The following KANSL1L variants were observed in gnomAD, a reference collection of about 807,000 sequenced individuals.
KANSL1L encodes KAT8 regulatory NSL complex subunit 1 like.
A neutral mutation model predicts 108.6 loss-of-function variants in KANSL1L; 25 were observed. That is an observed-to-expected ratio of 0.23 (90% CI 0.17 to 0.32). The LOEUF (loss-of-function observed/expected upper bound fraction) is 0.32. Ranked by LOEUF, KANSL1L falls within the 10% of genes least tolerant of loss-of-function variation. The pLI, the probability that KANSL1L is intolerant of heterozygous loss-of-function variation, is 1.00. For missense variants in KANSL1L, 1,137 were observed against 1,125.7 expected, an observed-to-expected ratio of 1.01 and a Z score of -0.14; for synonymous variants, 405 against 395.1, an observed-to-expected ratio of 1.03 and a Z score of -0.30.
At chr2:210,077,962 A>T (rs886094983) in intron 5 of KANSL1L, among the ~76,000 whole-genome samples, 1 of 152,154 alleles carries the variant, frequency 6.6e-6, no homozygotes, top group Non-Finnish European at 1.5e-5. Context: ...AACAATGGGG[A>T]TACCTTCTGA....
At position 210,154,132 on chromosome 2, in the gene KANSL1L, T is replaced by C. The variant is rs2095320228; in HGVS notation, c.451A>G (p.Ile151Val). The C allele has an allele frequency of 6.2e-7, 1 of 1,614,126 alleles. No individual in the cohort carries two copies. The highest frequency in any genetic ancestry group is 1.3e-5 in the African/African-American group (1 of 75,058). Residue 151 changes from isoleucine (I) to valine (V), a missense_variant, in exon 2 of 15, where the codon ATT (isoleucine) becomes GTT (valine). Ile to Val is a conservative substitution (Grantham distance 29). Coordinates refer to ENST00000281772, the MANE Select transcript of KANSL1L (RefSeq NM_152519.4). ...TTSQCMKDVQIILDSNITKDT... is the reference protein window; with the variant it reads ...TTSQCMKDVQVILDSNITKDT... The stretch of plus-strand genomic sequence containing the variant: ...TTGGTTATATTTGAATCCAGAATAA[T>C]TTGTACATCTTTCATGCACTGGCTC...
At chr2:210,096,770 G>A in intron 5 of KANSL1L, 1 of 953,002 alleles carries the variant, frequency 1.0e-6, no homozygotes, top group Non-Finnish European at 1.2e-6. Context: ...ACTGATATGA[G>A]GAATGAATAT....
chr2:210,098,288 C>T, intron 4 of KANSL1L, 81 bp from the exon 5 acceptor site: 1 of 1,278,780 alleles, frequency 7.8e-7, no homozygotes, highest in South Asian at 1.4e-5. Context: ...CCAATTAATC[C>T]TTAACTTCTC....
intron 2 of KANSL1L, among the ~76,000 whole-genome samples, chr2:210,133,743 A>G (rs2095148662): frequency 6.6e-6 from 1 of 152,130 alleles, no homozygotes; most frequent in South Asian, 2.1e-4. Flanking sequence ...CTGATATGTC[A>G]TGTTTCTAAT....
chr2:210,043,072 CAAG>C (rs1305278662), intron 7 of KANSL1L, among the ~76,000 whole-genome samples: 1 of 152,046 alleles, frequency 6.6e-6, no homozygotes, highest in African/African-American at 2.4e-5. Flanking sequence ...CCAATATAGA[CAAG>C]AGTGTAAAGG....
At chr2:210,166,721 T>G (rs947451132) in intron 1 of KANSL1L, among the ~76,000 whole-genome samples, 13 of 151,972 alleles carry the variant, frequency 8.6e-5, no homozygotes, top group Non-Finnish European at 8.8e-5. Flanking sequence ...GAAAACATTA[T>G]CAGAAAGACA....
chr2:210,156,436 A>C (rs1405261779), intron 1 of KANSL1L, among the ~76,000 whole-genome samples: 1 of 152,138 alleles, frequency 6.6e-6, no homozygotes, highest in Non-Finnish European at 1.5e-5. Flanking sequence ...ATGTCTAACA[A>C]TAACAAAACA....
chr2:210,027,975 T>G (rs1025655521), intron 11 of KANSL1L, among the ~76,000 whole-genome samples: 1 of 152,200 alleles, frequency 6.6e-6, no homozygotes, highest in East Asian at 1.9e-4. Context: ...GAAATTAGAA[T>G]AGAGATGTAT....
chr2:210,072,820 CT>C (rs1172559960), intron 6 of KANSL1L, among the ~76,000 whole-genome samples: 1 of 152,146 alleles, frequency 6.6e-6, no homozygotes, highest in African/African-American at 2.4e-5. Context: ...TCATGCAAAT[CT>C]TGTTCCTCAT....
Position 210,068,615 on chromosome 2 carries a change from C to T in KANSL1L, c.1755+6937G>A, listed in dbSNP as rs928661642. 4.6e-5 allele frequency among the ~76,000 whole-genome samples: 7 copies of T among 152,060 alleles called. No homozygotes were observed. In the East Asian group the frequency reaches 5.8e-4, roughly 13 times the overall value. On this transcript the variant is annotated intron_variant, in intron 6 of 14. Transcript: ENST00000281772. ...TCTGATTTACCTTCCTTTTTATTGG[C>T]GGGTAATAAGTGTTTGCAACTGAGT...
chr2:210,143,999 T>C (rs1454897074), intron 2 of KANSL1L, among the ~76,000 whole-genome samples: 2 of 152,208 alleles, frequency 1.3e-5, no homozygotes, highest in African/African-American at 4.8e-5. Context: ...TACCATTTCT[T>C]GTAAGGCAGA....
At chr2:210,064,265 T>A (rs2094446608) in intron 6 of KANSL1L, 1 of 152,206 alleles carries the variant, frequency 6.6e-6, no homozygotes, top group South Asian at 2.1e-4. Flanking sequence ...GGTATGTCTT[T>A]ATCAGCAGCA....
chr2:210,167,170 T>C (rs1024187731), intron 1 of KANSL1L, among the ~76,000 whole-genome samples: 1 of 152,014 alleles, frequency 6.6e-6, no homozygotes, highest in African/African-American at 2.4e-5. Context: ...TAATGGAAAG[T>C]AGGAATACAA....
chr2:210,095,262 TTGTA>T (rs535087589), intron 5 of KANSL1L, among the ~76,000 whole-genome samples: 372 of 152,206 alleles, frequency 2.4e-3, no homozygotes, highest in African/African-American at 8.6e-3. Context: ...TTCTGTGACT[TTGTA>T]TGTCCCTTTT....
In KANSL1L at chr2:210,021,720, C is replaced by A. The variant is rs2093858923; in HGVS notation, c.*1229G>T. 1 of 152,230 alleles carries A rather than the reference C, an allele frequency of 6.6e-6. No homozygotes were observed. The allele number at this position is 152,230 out of a possible 1,614,324, so 9.4% of individuals were successfully genotyped here. On this transcript the variant is annotated 3_prime_UTR_variant, in exon 15 of 15. Transcript: ENST00000281772. ...TATGTGGGTAGTACAACTTGAGTAACCTTTTTTACATGACAAAAAGTGAGT... is the reference window on the plus strand; with the variant it reads ...TATGTGGGTAGTACAACTTGAGTAAACTTTTTTACATGACAAAAAGTGAGT...
chr2:210,034,233 T>C (rs1019027794), intron 8 of KANSL1L, among the ~76,000 whole-genome samples: 1 of 152,202 alleles, frequency 6.6e-6, no homozygotes, highest in African/African-American at 2.4e-5. Flanking sequence ...TGTAATGTGA[T>C]AGGAAAATAT....
intron 3 of KANSL1L, among the ~76,000 whole-genome samples, chr2:210,118,890 C>G (rs1040799144): frequency 9.2e-5 from 14 of 151,542 alleles, no homozygotes; most frequent in Non-Finnish European, 1.8e-4. Flanking sequence ...AAGCCCAGAG[C>G]TGGGTGTGGT....
intron 3 of KANSL1L, among the ~76,000 whole-genome samples, chr2:210,115,669 C>T (rs1287558324): frequency 6.6e-6 from 1 of 152,194 alleles, no homozygotes; most frequent in Non-Finnish European, 1.5e-5. Flanking sequence ...ATTTACACTG[C>T]ATGTTTCATA....
At chr2:210,036,974 C>G (rs1331907281) in intron 8 of KANSL1L, among the ~76,000 whole-genome samples, 2 of 151,374 alleles carry the variant, frequency 1.3e-5, no homozygotes, top group Non-Finnish European at 2.9e-5. Flanking sequence ...CCAGGCTGGT[C>G]TTGAACTCTG....
Sources: allele counts gnomAD v4.1 joint callset (sites outside exome capture counted in the v4.1 genomes callset), GRCh38; gene constraint gnomAD v4.1.1; transcripts MANE v1.5; gene names NCBI Gene and HGNC (gene_info 2026-07-23, HGNC 2026-07-21).